PLCL1: variants seen among roughly 807,000 people sequenced by gnomAD.
PLCL1 encodes phospholipase C like 1 (inactive).
A neutral mutation model predicts 84.4 loss-of-function variants in PLCL1; 41 were observed. The observed-to-expected ratio is 0.49, with a 90% CI of 0.38 to 0.63. The LOEUF (loss-of-function observed/expected upper bound fraction) is 0.63. Among genes scored for constraint, PLCL1 ranks in the 30% least tolerant of loss-of-function variants. The probability of loss-of-function intolerance (pLI) is 0.00; values close to 1 mark genes in which losing one functional copy is unlikely to be tolerated. For synonymous variants in PLCL1, 490 were observed against 488.3 expected (o/e 1.00, Z -0.05); for missense variants, 1,206 against 1,367.8 (o/e 0.88, Z 1.87).
At chr2:198,103,460 T>C (rs1250285330) in intron 4 of PLCL1, among the ~76,000 whole-genome samples, 7 of 152,056 alleles carry the variant, frequency 4.6e-5, no homozygotes, top group African/African-American at 1.7e-4. Context: ...TTTTAGTTAC[T>C]TTTAAATGTA....
chr2:197,949,389 G>T (rs915368350), intron 1 of PLCL1, among the ~76,000 whole-genome samples: 1 of 152,112 alleles, frequency 6.6e-6, no homozygotes, highest in Non-Finnish European at 1.5e-5. Flanking sequence ...GCACTCATTT[G>T]TCCTTATCAA....
chr2:198,032,090 A>T (rs1226456624), intron 1 of PLCL1, among the ~76,000 whole-genome samples: 6 of 152,184 alleles, frequency 3.9e-5, no homozygotes, highest in Admixed American at 3.9e-4. Flanking sequence ...AAAAAAGGAA[A>T]AGATAATGAC....
chr2:198,071,849 A>C (rs7602602), intron 1 of PLCL1, among the ~76,000 whole-genome samples: 4,627 of 151,846 alleles, frequency 0.03, 223 homozygotes, highest in African/African-American at 0.11. Context: ...TTTTCCTAGC[A>C]TTTCTGTGTT....
chr2:197,841,388 C>A (rs957546296), intron 1 of PLCL1, among the ~76,000 whole-genome samples: 2 of 152,172 alleles, frequency 1.3e-5, no homozygotes, highest in Admixed American at 6.5e-5. Flanking sequence ...CTCTTCCAAA[C>A]CCCTGACAAC....
chr2:198,122,430 C>A (rs1260749606), intron 5 of PLCL1, among the ~76,000 whole-genome samples: 1 of 152,024 alleles, frequency 6.6e-6, no homozygotes, highest in Non-Finnish European at 1.5e-5. Context: ...TCACCATCTT[C>A]ATCACTGCCA....
intron 1 of PLCL1, among the ~76,000 whole-genome samples, chr2:197,821,536 C>A (rs937751859): frequency 6.6e-6 from 1 of 152,096 alleles, no homozygotes; most frequent in African/African-American, 2.4e-5. Context: ...CTTTTTGGGC[C>A]ACCCCTTAAG....
At chr2:197,813,644 T>G (rs946539462) in intron 1 of PLCL1, among the ~76,000 whole-genome samples, 5 of 152,172 alleles carry the variant, frequency 3.3e-5, no homozygotes, top group Non-Finnish European at 7.3e-5. Context: ...ATAATTTGTA[T>G]GATGAGTCTA....
chr2:198,045,185 A>T (rs760704935), intron 1 of PLCL1, among the ~76,000 whole-genome samples: 7 of 152,222 alleles, frequency 4.6e-5, no homozygotes, highest in Admixed American at 6.5e-5. Flanking sequence ...ATCCCAAAAC[A>T]TAGAAATTAA....
chr2:198,026,651 A>G (rs1050949465), intron 1 of PLCL1, among the ~76,000 whole-genome samples: 1 of 152,240 alleles, frequency 6.6e-6, no homozygotes, highest in Non-Finnish European at 1.5e-5. Flanking sequence ...TCAATTAACT[A>G]GAAAGAAAAC....
At chr2:197,846,513 T>C (rs971287668) in intron 1 of PLCL1, among the ~76,000 whole-genome samples, 1 of 152,102 alleles carries the variant, frequency 6.6e-6, no homozygotes, top group Non-Finnish European at 1.5e-5. Flanking sequence ...AGGAATCTTT[T>C]TGGGGAGGAA....
chr2:197,897,108 CTTCTTCTTCTTCT>C (rs1688152286), intron 1 of PLCL1, among the ~76,000 whole-genome samples: 1 of 36,900 alleles, frequency 2.7e-5, no homozygotes, highest in African/African-American at 1.6e-4. Context: ...CCTTCTTCTT[CTTCTTCTTCTTCT>C]TCTTCTTCTT....
intron 1 of PLCL1, among the ~76,000 whole-genome samples, chr2:197,891,959 A>C (rs1388856192): frequency 6.6e-6 from 1 of 152,112 alleles, no homozygotes; most frequent in Non-Finnish European, 1.5e-5. Context: ...TTTTTGATTA[A>C]ATGAGAATTT....
intron 3 of PLCL1, among the ~76,000 whole-genome samples, chr2:198,095,641 C>A (rs999593800): frequency 2.0e-5 from 3 of 152,142 alleles, no homozygotes; most frequent in African/African-American, 7.2e-5. Flanking sequence ...TAGGAGTCTA[C>A]TATTGGGGAT....
rs542495735 is a variant in PLCL1, at chr2:198,008,875, G to A, written c.241-74883G>A. The stretch of plus-strand genomic sequence containing the variant: ...TCTTCACCAATGCTTGGTATTTTAC[G>A]CTCTTTTGATGGTGACCATCCTGAT... On this transcript the variant is annotated intron_variant, in intron 1 of 5. Transcript: ENST00000428675. Among the ~76,000 whole-genome samples, 6 of 151,990 alleles carry A rather than the reference G, an allele frequency of 3.9e-5. No individual in the cohort carries two copies. The South Asian group carries it at 8.3e-4, about 21-fold the overall frequency.
chr2:197,848,036 G>A (rs888676298), intron 1 of PLCL1, among the ~76,000 whole-genome samples: 4 of 152,138 alleles, frequency 2.6e-5, no homozygotes, highest in South Asian at 2.1e-4. Flanking sequence ...AGTGTTAAAC[G>A]GGATAAAACT....
chr2:197,891,728 A>T (rs1688033093), intron 1 of PLCL1, among the ~76,000 whole-genome samples: 1 of 152,048 alleles, frequency 6.6e-6, no homozygotes, highest in African/African-American at 2.4e-5. Flanking sequence ...TTTGCTGGTT[A>T]TTTTTATCAA....
intron 1 of PLCL1, among the ~76,000 whole-genome samples, chr2:197,955,097 A>G (rs755565322): frequency 6.6e-6 from 1 of 151,994 alleles, no homozygotes; most frequent in Non-Finnish European, 1.5e-5. Context: ...TCCCATTCCT[A>G]TACGCTTTAC....
intron 1 of PLCL1, among the ~76,000 whole-genome samples, chr2:197,998,692 G>A (rs1258328520): frequency 6.6e-6 from 1 of 152,112 alleles, no homozygotes; most frequent in African/African-American, 2.4e-5. Context: ...TTGCTCCAAT[G>A]ACTTAAAATG....
intron 1 of PLCL1, among the ~76,000 whole-genome samples, chr2:198,056,259 G>T (rs1417355300): frequency 6.6e-6 from 1 of 152,100 alleles, no homozygotes; most frequent in African/African-American, 2.4e-5. Context: ...TCATCAGGAA[G>T]GCTTTTGGTT....
Sources: gnomAD v4.1 joint callset for allele counts (sites outside exome capture counted in the v4.1 genomes callset) on GRCh38, gnomAD v4.1.1 for gene constraint, MANE v1.5 for transcripts, NCBI Gene and HGNC (gene_info 2026-07-23, HGNC 2026-07-21) for gene names.